TTC31: variants seen among roughly 807,000 people sequenced by gnomAD.
The protein encoded by TTC31 is tetratricopeptide repeat protein 31.
TTC31 carries 59 observed loss-of-function variants against 60.4 expected under a neutral mutation model. The observed-to-expected ratio is 0.98, with a 90% CI of 0.79 to 1.21. The LOEUF is 1.21. Among genes scored for constraint, TTC31 ranks in the 50% most tolerant of loss-of-function variants. TTC31 has a pLI of 0.00. For synonymous variants in TTC31, 225 were observed against 249.6 expected (o/e 0.90, Z 0.93); for missense variants, 672 against 646.9 (o/e 1.04, Z -0.42).
intron 5 of TTC31, 81 bp downstream of exon 5, chr2:74,490,820 G>C: frequency 7.1e-7 from 1 of 1,413,600 alleles, no homozygotes. Flanking sequence ...GGGAACAGGA[G>C]AGAGCTCAAG....
Position 74,483,380 on chromosome 2 carries a change from G to A in TTC31, c.99G>A (p.Lys33=). The A allele has an allele frequency of 6.2e-7, 1 of 1,614,206 alleles. No homozygotes were observed. The highest frequency in any genetic ancestry group is 8.5e-7 in the Non-Finnish European group (1 of 1,180,038). ...LEVAAAPKLC[K]EFGPEDYGEE... ...TCGCTGCTGCACCCAAACTTTGCAA[G>A]GAATTCGGTCCAGAGGATTACGGCG... The change falls in exon 2 of 13, where the codon AAG becomes AAA. Residue 33 remains lysine (K), a synonymous_variant. Coordinates refer to ENST00000233623, the MANE Select transcript of TTC31 (RefSeq NM_022492.6).
intron 2 of TTC31, chr2:74,483,794 T>C (rs2104063128): frequency 3.4e-6 from 1 of 291,104 alleles, no homozygotes; most frequent in East Asian, 8.9e-5. Context: ...CTGGGCAACA[T>C]AGTGAGACCC....
intron 2 of TTC31, among the ~76,000 whole-genome samples, chr2:74,489,803 T>C (rs1312066906): frequency 6.6e-6 from 1 of 152,042 alleles, no homozygotes; most frequent in East Asian, 1.9e-4. Context: ...TACTCAACCC[T>C]TGGGAAGGCA....
intron 2 of TTC31, among the ~76,000 whole-genome samples, chr2:74,485,444 C>A (rs763700962): frequency 2.0e-5 from 3 of 151,340 alleles, no homozygotes; most frequent in Non-Finnish European, 4.4e-5. Context: ...ACATCCATAG[C>A]CTCATCTTCC....
In TTC31 at chr2:74,493,141, C is replaced by T; in HGVS notation, c.1483C>T (p.Pro495Ser). The change falls in exon 13 of 13, where the codon CCT (proline) becomes TCT (serine). Residue 495 changes from proline to serine, a missense_variant. Physicochemically the swap from Pro to Ser is moderately conservative, Grantham distance 74. Coordinates refer to ENST00000233623, the MANE Select transcript of TTC31 (RefSeq NM_022492.6). ...LSQTQSRRPH[P>S]LKPQDPSKGW... ...CCAGACTCAGAGTAGAAGGCCCCAT[C>T]CTCTCAAGCCCCAGGACCCTTCAAA... is the stretch of plus-strand genomic sequence containing the variant. 2 of 1,614,212 alleles carry T rather than the reference C, an allele frequency of 1.2e-6. No individual in the cohort carries two copies. The highest frequency in any genetic ancestry group is 1.7e-6 in the Non-Finnish European group (2 of 1,180,018).
Position 74,492,236 on chromosome 2 carries a change from G to T in TTC31, c.1019+7G>T. ...TCAACCCCCAGGACCACCGGTAGGT[G>T]GGGGCTTGGCCAGGGCAGGGCAGAG... On this transcript the variant is annotated splice_region_variant and intron_variant, in intron 10 of 12. Coordinates refer to ENST00000233623, the MANE Select transcript of TTC31 (RefSeq NM_022492.6). 3 of 1,614,210 alleles carry T rather than the reference G, an allele frequency of 1.9e-6. No homozygotes were observed. The highest frequency in any genetic ancestry group is 1.7e-4 in the Middle Eastern group (1 of 6,060).
chr2:74,486,629 A>T (rs1444940186), intron 2 of TTC31, among the ~76,000 whole-genome samples: 2 of 152,166 alleles, frequency 1.3e-5, no homozygotes, highest in African/African-American at 4.8e-5. Flanking sequence ...GTGGTGGCTC[A>T]CGCCTGTAAT....
chr2:74,488,205 A>T (rs1273808627), intron 2 of TTC31, among the ~76,000 whole-genome samples: 1 of 152,224 alleles, frequency 6.6e-6, no homozygotes, highest in Non-Finnish European at 1.5e-5. Flanking sequence ...AATTTTAAGT[A>T]TAAGACTGAT....
chr2:74,483,704 C>T, intron 2 of TTC31: 1 of 1,031,326 alleles, frequency 9.7e-7, no homozygotes, highest in Non-Finnish European at 1.3e-6. Flanking sequence ...AGGCCGGGCG[C>T]GGTGGCTTGT....
At position 74,483,092 on chromosome 2, in the gene TTC31, T is replaced by A; in HGVS notation, c.-4T>A. On this transcript the variant is annotated 5_prime_UTR_variant, in exon 1 of 13. An upstream start codon of the reference 5' UTR is lost. Coordinates refer to ENST00000233623, the MANE Select transcript of TTC31 (RefSeq NM_022492.6). ...CCTTTCATTTCCGGGTCACTGTAGA[T>A]GCGATGGCGCCGATTCCAAAGACTG... 3.7e-6 allele frequency: 6 copies of A among 1,614,226 alleles called. No homozygotes were observed. Among genetic ancestry groups the A allele is most frequent in the Non-Finnish European group, 5.1e-6 (6 of 1,180,042 alleles).
chr2:74,489,436 C>T (rs987572995), intron 2 of TTC31, among the ~76,000 whole-genome samples: 1 of 152,140 alleles, frequency 6.6e-6, no homozygotes, highest in Non-Finnish European at 1.5e-5. Flanking sequence ...GAAAGGTCAG[C>T]CTGGGAGCCT....
At chr2:74,490,825 C>T (rs1255550642) in intron 5 of TTC31, 86 bp downstream of exon 5, 1 of 1,375,170 alleles carries the variant, frequency 7.3e-7, no homozygotes, top group Non-Finnish European at 1.0e-6. Flanking sequence ...CAGGAGAGAG[C>T]TCAAGATGGC....
At chr2:74,492,849 G>C in intron 12 of TTC31, 73 bp from the exon 13 acceptor site, 1 of 1,583,096 alleles carries the variant, frequency 6.3e-7, no homozygotes, top group Admixed American at 1.7e-5. Flanking sequence ...GGCGGGGAAG[G>C]ATGGGTGGAA....
Position 74,490,549 on chromosome 2 carries a change from C to T in TTC31, c.462+76C>T, listed in dbSNP as rs948484871. The T allele has an allele frequency of 3.9e-6, 6 of 1,529,896 alleles. No homozygotes were observed. The African/African-American group carries it at 6.9e-5, about 18-fold the overall frequency. 94.8% of individuals were successfully genotyped at this position (1,529,896 alleles called of 1,614,324 possible). ...CTGTATCCCCATCCCTATATTCTCC[C>T]CTAATTGGTACCTTTCAAGATCCTT... On this transcript the variant is annotated intron_variant, in intron 4 of 12. Coordinates refer to ENST00000233623, the MANE Select transcript of TTC31 (RefSeq NM_022492.6).
intron 2 of TTC31, among the ~76,000 whole-genome samples, chr2:74,485,024 CTTT>C (rs544658393): frequency 2.4e-5 from 3 of 122,916 alleles, no homozygotes; most frequent in Non-Finnish European, 3.5e-5. Flanking sequence ...CTAAAATTTA[CTTT>C]TTTTTTTTTT....
chr2:74,491,616 C>T lies in TTC31; in HGVS notation c.820C>T (p.Gln274Ter). 6.2e-7 allele frequency: 1 copy of T among 1,614,180 alleles called. No homozygotes were observed. The highest frequency in any genetic ancestry group is 8.5e-7 in the Non-Finnish European group (1 of 1,180,030). Residue 274 changes from glutamine to a stop codon, truncating the protein, a stop_gained, in exon 8 of 13, where the codon CAA becomes TAA. Transcript: ENST00000233623. LOFTEE classifies it high-confidence loss of function. ...GGGTCTGGCCCTCCAGAAGATGGGT[C>T]AAGAGGAAGAGAGCCCTCCAAGAGA... is the stretch of plus-strand genomic sequence containing the variant. Reference protein sequence around the residue: ...GRGLALQKMGQEEESPPREER... With the variant: ...GRGLALQKMG
rs1349027414 is a variant in TTC31 at position 74,493,243 on chromosome 2, A to C, written c.*25A>C. On this transcript the variant is annotated 3_prime_UTR_variant, in exon 13 of 13. Coordinates refer to ENST00000233623, the MANE Select transcript of TTC31 (RefSeq NM_022492.6). The stretch of plus-strand genomic sequence containing the variant: ...AGGGGGCACCGGTCCCTCATAGGGC[A>C]GGGCCATGTATATATCCCTTGGTGG... 8 of 1,611,282 alleles carry C rather than the reference A, an allele frequency of 5.0e-6. No individual in the cohort carries two copies. The Admixed American group carries it at 1.3e-4, about 27-fold the overall frequency.
Position 74,493,062 on chromosome 2 carries a change from T to C in TTC31, c.1404T>C (p.Ser468=). 4 of 1,614,114 alleles carry C rather than the reference T, an allele frequency of 2.5e-6. No individual in the cohort carries two copies. The highest frequency in any genetic ancestry group is 3.4e-6 in the Non-Finnish European group (4 of 1,179,996). ...CTGCTTTGAGGTCCCCTGGCCTGTC[T>C]CCACTCTTGCATTATCCTTCATGTC... The part of the protein sequence containing the change: ...RSTALRSPGL[S]PLLHYPSCHR... Residue 468 remains serine (S), a synonymous_variant, in exon 13 of 13, where the codon TCT becomes TCC. Coordinates refer to ENST00000233623, the MANE Select transcript of TTC31 (RefSeq NM_022492.6).
At position 74,494,141 on chromosome 2, in the gene TTC31, T is replaced by C. The variant is rs1400671915; in HGVS notation, c.*923T>C. On this transcript the variant is annotated 3_prime_UTR_variant, in exon 13 of 13. Transcript: ENST00000233623. ...TAGTCCTGCTGGGACTGTCAGCTCA[T>C]TTAAATGTGGGTCTGCAGAAGGCTT... 6.6e-6 allele frequency: 1 copy of C among 152,208 alleles called. No individual in the cohort carries two copies. Among genetic ancestry groups the C allele is most frequent in the Non-Finnish European group, 1.5e-5 (1 of 68,064 alleles). 9.4% of individuals were successfully genotyped at this position (152,208 alleles called of 1,614,324 possible). A position where few individuals can be genotyped will look rare whatever the true frequency, so the allele number is the denominator to read the frequency against.
Sources: allele counts gnomAD v4.1 joint callset (sites outside exome capture counted in the v4.1 genomes callset), GRCh38; gene constraint gnomAD v4.1.1; transcripts MANE v1.5; gene names NCBI Gene and HGNC (gene_info 2026-07-23, HGNC 2026-07-21).